The following ATP10B variants were observed in gnomAD, a reference collection of about 807,000 sequenced individuals.
ATP10B encodes the protein phospholipid-transporting ATPase VB.
Under a neutral mutation model 141.2 loss-of-function variants are expected in ATP10B, and 122 were observed. The observed-to-expected ratio is 0.86, with a 90% CI of 0.75 to 1.00. The LOEUF (loss-of-function observed/expected upper bound fraction) is 1.00. Ranked by LOEUF, ATP10B falls within the 50% of genes least tolerant of loss-of-function variation. The pLI is 0.00. For missense variants in ATP10B, 1,876 were observed against 1,825.3 expected (o/e 1.03, Z -0.51); for synonymous variants, 685 against 692.0 (o/e 0.99, Z 0.16).
At chr5:160,908,606 G>A in the ATP10B span, among the ~76,000 whole-genome samples, 1 of 152,078 alleles carries the variant, frequency 6.6e-6, no homozygotes, top group East Asian at 1.9e-4. Context: ...AGGACCCTGG[G>A]GTCAGCCAGG....
At chr5:160,862,580 C>A in the ATP10B span, among the ~76,000 whole-genome samples, 1 of 151,940 alleles carries the variant, frequency 6.6e-6, no homozygotes, top group Non-Finnish European at 1.5e-5. Flanking sequence ...CTTTATAAAG[C>A]CTTTCATGTC....
At chr5:160,830,232 A>G (rs1774964739) in intron 1 of ATP10B, among the ~76,000 whole-genome samples, 1 of 152,064 alleles carries the variant, frequency 6.6e-6, no homozygotes, top group South Asian at 2.1e-4. Flanking sequence ...TATGTGGTGA[A>G]TCATATTTAT....
chr5:160,780,997 T>C (rs749951772), intron 2 of ATP10B, among the ~76,000 whole-genome samples: 18 of 152,184 alleles, frequency 1.2e-4, no homozygotes, highest in Non-Finnish European at 2.4e-4. Flanking sequence ...ATAGGGAACA[T>C]ATCCTTCAAC....
chr5:160,599,705 C>T (rs554670269), intron 21 of ATP10B, among the ~76,000 whole-genome samples: 8 of 152,308 alleles, frequency 5.3e-5, no homozygotes, highest in African/African-American at 1.7e-4. Context: ...ACAAAATCTG[C>T]CTAAATGTTG....
chr5:160,703,529 G>C (rs541647400), intron 3 of ATP10B, among the ~76,000 whole-genome samples: 1 of 151,792 alleles, frequency 6.6e-6, no homozygotes, highest in Non-Finnish European at 1.5e-5. Flanking sequence ...TCAGGCTGGA[G>C]TGCATGGTGC....
the ATP10B span, among the ~76,000 whole-genome samples, chr5:160,873,135 T>C: frequency 6.6e-6 from 1 of 151,736 alleles, no homozygotes; most frequent in South Asian, 2.1e-4. Context: ...TTTTTTTTTT[T>C]CAGCTATTAT....
the ATP10B span, among the ~76,000 whole-genome samples, chr5:160,914,511 G>A: frequency 6.6e-6 from 1 of 152,104 alleles, no homozygotes; most frequent in Non-Finnish European, 1.5e-5. Context: ...TACCTTATAT[G>A]ATGCAAATGC....
At chr5:160,870,481 C>A in the ATP10B span, among the ~76,000 whole-genome samples, 1 of 151,312 alleles carries the variant, frequency 6.6e-6, no homozygotes, top group African/African-American at 2.4e-5. Flanking sequence ...TGAAAAGAAT[C>A]TCTGAGCTTG....
intron 2 of ATP10B, among the ~76,000 whole-genome samples, chr5:160,766,977 G>A (rs1319143794): frequency 1.3e-5 from 2 of 152,066 alleles, no homozygotes; most frequent in Non-Finnish European, 2.9e-5. Context: ...TTCAAGCTTG[G>A]TGGAGAAGTT....
the ATP10B span, among the ~76,000 whole-genome samples, chr5:160,919,961 CAG>C: frequency 2.4e-3 from 368 of 152,308 alleles, 2 homozygotes; most frequent in African/African-American, 8.3e-3. Context: ...TAAGAGACAG[CAG>C]AGTTTTTCTG....
the ATP10B span, among the ~76,000 whole-genome samples, chr5:160,896,423 CAAAT>C: frequency 3.1e-4 from 47 of 152,286 alleles, no homozygotes; most frequent in African/African-American, 9.6e-4. Context: ...CACCTCTACA[CAAAT>C]AAACTGGAAA....
intron 1 of ATP10B, among the ~76,000 whole-genome samples, chr5:160,839,274 G>A (rs1326253213): frequency 6.6e-6 from 1 of 152,112 alleles, no homozygotes; most frequent in African/African-American, 2.4e-5. Flanking sequence ...CTTCAGATGA[G>A]AATATATTTA....
chr5:160,894,681 C>G, the ATP10B span, among the ~76,000 whole-genome samples: 9 of 152,186 alleles, frequency 5.9e-5, no homozygotes, highest in African/African-American at 2.2e-4. Flanking sequence ...GGCCAACATT[C>G]AAATTCAGGA....
At chr5:160,580,287 A>G (rs540044474) in intron 24 of ATP10B, among the ~76,000 whole-genome samples, 61 of 152,264 alleles carry the variant, frequency 4.0e-4, no homozygotes, top group Admixed American at 4.0e-3. Flanking sequence ...TCAGTATGAT[A>G]TTGGCTATGG....
chr5:160,780,759 T>C (rs1478032411), intron 2 of ATP10B, among the ~76,000 whole-genome samples: 1 of 152,216 alleles, frequency 6.6e-6, no homozygotes, highest in South Asian at 2.1e-4. Flanking sequence ...TAAATTGAGA[T>C]GGCATCATTA....
At chr5:160,790,236 A>G (rs1771471235) in intron 1 of ATP10B, among the ~76,000 whole-genome samples, 1 of 152,114 alleles carries the variant, frequency 6.6e-6, no homozygotes, top group East Asian at 1.9e-4. Flanking sequence ...GGTATGATAC[A>G]TGTATTTTCC....
intron 6 of ATP10B, chr5:160,684,786 C>A: frequency 1.6e-6 from 1 of 628,590 alleles, no homozygotes. Flanking sequence ...ATAGCAGCCA[C>A]AAAAAGATCA....
intron 7 of ATP10B, among the ~76,000 whole-genome samples, chr5:160,664,788 AATAG>A (rs1388749712): frequency 1.3e-5 from 2 of 152,234 alleles, no homozygotes; most frequent in Non-Finnish European, 2.9e-5. Context: ...TGATTTGGAA[AATAG>A]ATAGCCAGGG....
chr5:160,913,530 C>T, the ATP10B span, among the ~76,000 whole-genome samples: 13 of 152,206 alleles, frequency 8.5e-5, no homozygotes, highest in South Asian at 2.7e-3. Context: ...CTCGTTATCC[C>T]GTCCATCCAT....
Sources: gnomAD v4.1 joint callset for allele counts (sites outside exome capture counted in the v4.1 genomes callset) on GRCh38, gnomAD v4.1.1 for gene constraint, MANE v1.5 for transcripts, NCBI Gene and HGNC (gene_info 2026-07-23, HGNC 2026-07-21) for gene names.